Variants in CSMD3 observed in about 807,000 individuals in gnomAD.
CSMD3 encodes CUB and sushi domain-containing protein 3.
In CSMD3, 177 loss-of-function variants were observed where a neutral mutation model predicts 435.2. That is an observed-to-expected ratio of 0.41 (90% CI 0.36 to 0.46). The LOEUF (loss-of-function observed/expected upper bound fraction) is 0.46. CSMD3 is among the 20% of genes least tolerant of loss of function. CSMD3 has a pLI of 0.34. For missense variants in CSMD3, 4,265 were observed against 4,504.6 expected, an observed-to-expected ratio of 0.95 and a Z score of 1.52; for synonymous variants, 1,656 against 1,520.5, an observed-to-expected ratio of 1.09 and a Z score of -2.07.
At chr8:112,606,336 C>T (rs1832791115) in intron 22 of CSMD3, among the ~76,000 whole-genome samples, 1 of 152,070 alleles carries the variant, frequency 6.6e-6, no homozygotes, top group South Asian at 2.1e-4. Flanking sequence ...TCTTGCTTCA[C>T]CTAGAATCCT....
chr8:113,287,809 A>T (rs994130033), intron 2 of CSMD3, among the ~76,000 whole-genome samples: 5 of 152,030 alleles, frequency 3.3e-5, no homozygotes, highest in African/African-American at 7.2e-5. Context: ...AACTGAGCTT[A>T]TCACTGGTAT....
At chr8:112,764,755 A>C (rs546202847) in intron 13 of CSMD3, among the ~76,000 whole-genome samples, 2 of 151,802 alleles carry the variant, frequency 1.3e-5, no homozygotes, top group Admixed American at 6.6e-5. Context: ...TGTTCAAAAA[A>C]ATTTCAAAAC....
At chr8:112,484,849 A>G (rs1480666854) in intron 31 of CSMD3, among the ~76,000 whole-genome samples, 4 of 152,068 alleles carry the variant, frequency 2.6e-5, no homozygotes, top group African/African-American at 7.2e-5. Flanking sequence ...GGGGTGTTCA[A>G]CTGGTAAGTA....
chr8:113,409,484 G>T (rs548747999), intron 1 of CSMD3, among the ~76,000 whole-genome samples: 2 of 152,082 alleles, frequency 1.3e-5, no homozygotes, highest in Non-Finnish European at 2.9e-5. Flanking sequence ...AAGGAGAGAC[G>T]CATTGTAAAC....
intron 3 of CSMD3, among the ~76,000 whole-genome samples, chr8:113,259,682 A>C (rs193193088): frequency 1.2e-3 from 179 of 152,218 alleles, no homozygotes; most frequent in Non-Finnish European, 2.1e-3. Flanking sequence ...ATAAGGAGAA[A>C]ATTAAAAAAT....
intron 1 of CSMD3, among the ~76,000 whole-genome samples, chr8:113,315,475 C>G (rs1466511140): frequency 6.6e-6 from 1 of 151,728 alleles, no homozygotes; most frequent in Non-Finnish European, 1.5e-5. Context: ...ATCTTAAGAA[C>G]TTCTGTATTT....
chr8:112,282,186 G>A (rs1315658654), intron 58 of CSMD3, among the ~76,000 whole-genome samples: 1 of 151,816 alleles, frequency 6.6e-6, no homozygotes, highest in East Asian at 1.9e-4. Flanking sequence ...TGCATCTCTT[G>A]CTGCATCTTA....
chr8:112,296,106 A>G (rs1371824150), intron 53 of CSMD3, 100 bp from the exon 54 acceptor site: 6 of 910,094 alleles, frequency 6.6e-6, no homozygotes, highest in Non-Finnish European at 8.7e-6. Flanking sequence ...AGTTGTCTTA[A>G]AAGCAAGCAA....
At chr8:112,480,475 GTTGGAATGTAATCCTCAATA>G (rs1269770639) in intron 31 of CSMD3, among the ~76,000 whole-genome samples, 1 of 152,142 alleles carries the variant, frequency 6.6e-6, no homozygotes, top group East Asian at 1.9e-4. Context: ...CAAATCTCAT[GTTGGAATGTAATCCTCAATA>G]TTGGAGGTGG....
At chr8:112,898,437 CTT>C (rs1011972355) in intron 10 of CSMD3, among the ~76,000 whole-genome samples, 1 of 151,172 alleles carries the variant, frequency 6.6e-6, no homozygotes, top group Non-Finnish European at 1.5e-5. Flanking sequence ...GCATAAAAGA[CTT>C]TTGTTAGATA....
intron 53 of CSMD3, among the ~76,000 whole-genome samples, chr8:112,297,001 C>A (rs1344286596): frequency 6.6e-6 from 1 of 151,494 alleles, no homozygotes; most frequent in Non-Finnish European, 1.5e-5. Flanking sequence ...AAAAAAAATT[C>A]TGTGAAAATT....
At chr8:112,766,479 A>T (rs1009257395) in intron 13 of CSMD3, among the ~76,000 whole-genome samples, 1 of 151,934 alleles carries the variant, frequency 6.6e-6, no homozygotes, top group African/African-American at 2.4e-5. Flanking sequence ...TAATGAAAAA[A>T]TACATATATT....
chr8:112,473,259 T>C (rs1818703904), intron 31 of CSMD3, among the ~76,000 whole-genome samples: 2 of 152,088 alleles, frequency 1.3e-5, no homozygotes, highest in Admixed American at 6.6e-5. Flanking sequence ...TCAGGCCCAA[T>C]GTGGTATGTT....
intron 9 of CSMD3, among the ~76,000 whole-genome samples, chr8:112,934,948 G>C (rs1479530220): frequency 6.6e-6 from 1 of 151,862 alleles, no homozygotes; most frequent in Admixed American, 6.6e-5. Context: ...TTTTGCCTGT[G>C]CTTTTGGGGT....
chr8:113,372,749 A>G (rs920179114), intron 1 of CSMD3, among the ~76,000 whole-genome samples: 1 of 151,916 alleles, frequency 6.6e-6, no homozygotes. Context: ...CTGGCTAACA[A>G]GGTGAAACCC....
chr8:113,309,161 G>A (rs2132641264), intron 2 of CSMD3: 1 of 152,040 alleles, frequency 6.6e-6, no homozygotes, highest in African/African-American at 2.4e-5. Flanking sequence ...ATGTTGCCCA[G>A]GCTGGTCTCA....
At chr8:113,277,137 C>T (rs1588427518) in intron 3 of CSMD3, among the ~76,000 whole-genome samples, 1 of 152,026 alleles carries the variant, frequency 6.6e-6, no homozygotes, top group East Asian at 1.9e-4. Context: ...GAGCGCTTAG[C>T]ACAAAATAAT....
At chr8:113,088,784 A>G (rs754701651) in intron 5 of CSMD3, among the ~76,000 whole-genome samples, 11 of 150,962 alleles carry the variant, frequency 7.3e-5, no homozygotes, top group Non-Finnish European at 1.6e-4. Context: ...TGGGTGCAGC[A>G]CACCAGTATG....
At chr8:112,521,893 T>A (rs935772686) in intron 27 of CSMD3, among the ~76,000 whole-genome samples, 2 of 151,878 alleles carry the variant, frequency 1.3e-5, no homozygotes, top group Non-Finnish European at 2.9e-5. Context: ...TCATTGTAAA[T>A]GTACTTCTAA....
Sources: allele counts gnomAD v4.1 joint callset (sites outside exome capture counted in the v4.1 genomes callset), GRCh38; gene constraint gnomAD v4.1.1; transcripts MANE v1.5; gene names NCBI Gene and HGNC (gene_info 2026-07-23, HGNC 2026-07-21).